The following VMP1 variants were observed in gnomAD, a reference collection of about 807,000 sequenced individuals.
VMP1 encodes the protein vacuole membrane protein 1.
Under a neutral mutation model 56.0 loss-of-function variants are expected in VMP1, and 11 were observed. That is an observed-to-expected ratio of 0.20 (90% CI 0.12 to 0.32). The LOEUF (loss-of-function observed/expected upper bound fraction) is 0.32, where lower values mean the gene tolerates loss of function less well. VMP1 is among the 10% of genes least tolerant of loss of function. The pLI is 1.00. For synonymous variants in VMP1, 149 were observed against 165.0 expected (o/e 0.90, Z 0.74); for missense variants, 296 against 490.3 (o/e 0.60, Z 3.74).
intron 6 of VMP1, among the ~76,000 whole-genome samples, chr17:59,770,423 T>C (rs2036382293): frequency 1.3e-5 from 2 of 152,238 alleles, no homozygotes; most frequent in Middle Eastern, 3.4e-3. Context: ...CTCATTCTCT[T>C]CTCAATTATC....
intron 5 of VMP1, among the ~76,000 whole-genome samples, chr17:59,747,393 TTTTCTTTC>T (rs767112031): frequency 1.3e-5 from 2 of 149,694 alleles, no homozygotes; most frequent in Admixed American, 6.7e-5. Context: ...CCCCGGGTTT[TTTTCTTTC>T]TTTCTTTCTT....
chr17:59,784,144 A>T (rs866583272), intron 7 of VMP1, among the ~76,000 whole-genome samples: 403 of 129,064 alleles, frequency 3.1e-3, no homozygotes, highest in African/African-American at 9.8e-3. Context: ...TGTGTGTGTG[A>T]GAGAGAGAGA....
intron 1 of VMP1, among the ~76,000 whole-genome samples, chr17:59,726,376 C>G (rs2034605334): frequency 6.6e-6 from 1 of 151,970 alleles, no homozygotes; most frequent in Admixed American, 6.6e-5. Flanking sequence ...TCCCTGCGAC[C>G]TCCACCTCCT....
At chr17:59,753,905 TCA>T in intron 5 of VMP1, among the ~76,000 whole-genome samples, 1 of 152,328 alleles carries the variant, frequency 6.6e-6, no homozygotes, top group South Asian at 2.1e-4. Flanking sequence ...TGGGAACTAT[TCA>T]GTTACATTGT....
At chr17:59,806,729 AAAATT>A (rs2037855405) in intron 7 of VMP1, among the ~76,000 whole-genome samples, 1 of 151,778 alleles carries the variant, frequency 6.6e-6, no homozygotes. Context: ...AAAAAAAAAA[AAAATT>A]AAATCTGATA....
At chr17:59,741,194 C>CA (rs553123749) in intron 5 of VMP1, among the ~76,000 whole-genome samples, 6 of 146,754 alleles carry the variant, frequency 4.1e-5, no homozygotes, top group Middle Eastern at 3.2e-3. Flanking sequence ...GACCTTGTCT[C>CA]AAAAAAAAAA....
chr17:59,773,971 G>T, intron 7 of VMP1, 86 bp downstream of exon 7: 15 of 1,133,514 alleles, frequency 1.3e-5, no homozygotes, highest in Non-Finnish European at 1.6e-5. Flanking sequence ...TTACTCTGAA[G>T]AAGAAAACTG....
chr17:59,769,923 T>C (rs551618474), intron 6 of VMP1, among the ~76,000 whole-genome samples: 1 of 152,168 alleles, frequency 6.6e-6, no homozygotes, highest in African/African-American at 2.4e-5. Context: ...AGTATCTAAT[T>C]TGAGATAAAT....
At chr17:59,824,777 G>A (rs1171007415) in intron 10 of VMP1, among the ~76,000 whole-genome samples, 2 of 150,404 alleles carry the variant, frequency 1.3e-5, no homozygotes, top group Non-Finnish European at 2.9e-5. Context: ...AGAGGCTGAG[G>A]TGGGAGAATC....
At chr17:59,795,308 G>A (rs1168615047) in intron 7 of VMP1, among the ~76,000 whole-genome samples, 1 of 150,522 alleles carries the variant, frequency 6.6e-6, no homozygotes, top group East Asian at 2.0e-4. Flanking sequence ...TGGGGTATGG[G>A]GTTTCACCGT....
intron 5 of VMP1, among the ~76,000 whole-genome samples, chr17:59,742,995 G>A (rs8080396): frequency 0.12 from 18,676 of 152,016 alleles, 1,272 homozygotes; most frequent in Middle Eastern, 0.24. Flanking sequence ...TGCCCAAAAG[G>A]TTGGGGACCA....
chr17:59,740,077 A>C (rs944041329), intron 5 of VMP1, among the ~76,000 whole-genome samples: 1 of 134,344 alleles, frequency 7.4e-6, no homozygotes, highest in Non-Finnish European at 1.5e-5. Flanking sequence ...ACTCCGTCTC[A>C]AAAAAAAAAA....
intron 10 of VMP1, among the ~76,000 whole-genome samples, chr17:59,832,497 G>T (rs1012030530): frequency 6.6e-6 from 1 of 152,118 alleles, no homozygotes; most frequent in Non-Finnish European, 1.5e-5. Context: ...TAGTCCTGCA[G>T]TTGACTGAAA....
At position 59,720,877 on chromosome 17, in the gene VMP1, A is replaced by G. The variant is rs1253527163; in HGVS notation, c.-26-10544A>G. 2.6e-5 allele frequency among the ~76,000 whole-genome samples: 4 copies of G among 151,822 alleles called. No homozygotes were observed. The East Asian group carries it at 7.8e-4, about 29-fold the overall frequency. ...AATCCCAGCTACTTGGGAGGCTGAG[A>G]CAGGAGAATCGCTTGAACCCGGGAA... On this transcript the variant is annotated intron_variant, in intron 1 of 11. Coordinates refer to ENST00000262291, the MANE Select transcript of VMP1 (RefSeq NM_030938.5).
intron 1 of VMP1, among the ~76,000 whole-genome samples, chr17:59,715,975 A>C (rs956995963): frequency 1.3e-5 from 2 of 152,108 alleles, no homozygotes; most frequent in South Asian, 2.1e-4. Context: ...CTACCTAGAA[A>C]ATTTTTTATT....
At position 59,839,731 on chromosome 17, in the gene VMP1, C is replaced by T. The variant is rs763518576; in HGVS notation, c.1078-37C>T. 3 of 1,580,276 alleles carry T rather than the reference C, an allele frequency of 1.9e-6. No individual in the cohort carries two copies. The African/African-American group carries it at 4.1e-5, about 22-fold the overall frequency. ...TCTTTTTACTACTGAACTAATGAAG[C>T]CTTTTTCATTGCATTGTTCTGCATT... On this transcript the variant is annotated intron_variant, in intron 11 of 11. Transcript: ENST00000262291.
At chr17:59,734,414 A>G (rs1219461796) in intron 2 of VMP1, among the ~76,000 whole-genome samples, 1 of 152,188 alleles carries the variant, frequency 6.6e-6, no homozygotes, top group African/African-American at 2.4e-5. Context: ...AGATTTTATT[A>G]TACTACTCAG....
intron 5 of VMP1, among the ~76,000 whole-genome samples, chr17:59,747,756 G>T (rs2035481264): frequency 6.6e-6 from 1 of 151,672 alleles, no homozygotes; most frequent in Admixed American, 6.6e-5. Context: ...TTAGCTGGGT[G>T]TGGGGGTGAA....
intron 11 of VMP1, 169 bp from the exon 12 acceptor site, chr17:59,839,599 G>A: frequency 4.0e-6 from 3 of 759,156 alleles, no homozygotes; most frequent in Admixed American, 3.2e-5. Flanking sequence ...ATAGTTGGGT[G>A]TAAAAAGGAG....
Sources: allele counts gnomAD v4.1 joint callset (sites outside exome capture counted in the v4.1 genomes callset), GRCh38; gene constraint gnomAD v4.1.1; transcripts MANE v1.5; gene names NCBI Gene and HGNC (gene_info 2026-07-23, HGNC 2026-07-21).